DNAH8: variants seen among roughly 807,000 people sequenced by gnomAD.
DNAH8 encodes axonemal beta dynein heavy chain 8.
A neutral mutation model predicts 562.1 loss-of-function variants in DNAH8; 382 were observed. The observed-to-expected ratio is 0.68, with a 90% CI of 0.63 to 0.74. The LOEUF is 0.74. Among genes scored for constraint, DNAH8 ranks in the 30% least tolerant of loss-of-function variants. The pLI is 0.00. For missense variants in DNAH8, 5,203 were observed against 5,620.4 expected (o/e 0.93, Z 2.37); for synonymous variants, 1,881 against 1,919.4 (o/e 0.98, Z 0.52).
At chr6:38,795,441 G>A (rs1184332748) in intron 21 of DNAH8, among the ~76,000 whole-genome samples, 4 of 152,172 alleles carry the variant, frequency 2.6e-5, no homozygotes, top group African/African-American at 4.8e-5. Flanking sequence ...TTAGCCAGGT[G>A]TGGTGGCGGG....
Position 38,861,949 on chromosome 6 carries a change from G to GTTTTT in DNAH8, c.6132-319_6132-315dup, listed in dbSNP as rs10677373. On this transcript the variant is annotated intron_variant, in intron 43 of 92. Coordinates refer to ENST00000327475, the MANE Select transcript of DNAH8 (RefSeq NM_001206927.2). ...AGATATTGGCAAACATGAAAACCAG[G>GTTTTT]TTTTTTTTTTTTTTTTCTGGAGAGC... Among the ~76,000 whole-genome samples, 63 of 134,676 alleles carry GTTTTT rather than the reference G, an allele frequency of 4.7e-4. 1 individual carries two copies. The highest frequency in any genetic ancestry group is 4.1e-3 in the Middle Eastern group (1 of 246). The allele number at this position is 134,676 out of a possible 152,430, so 88.4% of individuals were successfully genotyped here.
intron 86 of DNAH8, among the ~76,000 whole-genome samples, chr6:38,983,284 G>A (rs957425877): frequency 4.6e-5 from 7 of 152,132 alleles, no homozygotes; most frequent in African/African-American, 1.7e-4. Context: ...CTGCAGTCTG[G>A]CCCCCTCTTC....
At chr6:38,887,860 G>C (rs1417407748) in intron 57 of DNAH8, among the ~76,000 whole-genome samples, 1 of 122,848 alleles carries the variant, frequency 8.1e-6, no homozygotes, top group African/African-American at 3.2e-5. Context: ...TTTTGAGATG[G>C]AGTGTCACTC....
chr6:39,012,411 G>GT lies in DNAH8; in HGVS notation c.13525-34dup, dbSNP rs756172882. ...AGTAGGCATTTCCTTCTTTGTTGATGTTTCTTATTCATGTGTTTTAACTTT... is the reference window on the plus strand; with the variant it reads ...AGTAGGCATTTCCTTCTTTGTTGATGTTTTCTTATTCATGTGTTTTAACTTT... On this transcript the variant is annotated intron_variant, in intron 90 of 92. Coordinates refer to ENST00000327475, the MANE Select transcript of DNAH8 (RefSeq NM_001206927.2). The GT allele has an allele frequency of 2.5e-6, 4 of 1,607,910 alleles. No individual in the cohort carries two copies. The African/African-American group carries it at 5.4e-5, about 22-fold the overall frequency.
chr6:38,719,859 A>G (rs1426249289), intron 1 of DNAH8, among the ~76,000 whole-genome samples: 4 of 152,314 alleles, frequency 2.6e-5, no homozygotes, highest in Middle Eastern at 6.8e-3. Context: ...ATGCACCCTG[A>G]CATTGTGTTT....
At chr6:38,947,210 G>A (rs372584182) in intron 80 of DNAH8, among the ~76,000 whole-genome samples, 3 of 152,156 alleles carry the variant, frequency 2.0e-5, no homozygotes, top group East Asian at 1.9e-4. Flanking sequence ...TTACACCACC[G>A]ATTGGGCCAG....
chr6:38,815,783 C>T (rs1772204611), intron 26 of DNAH8, 126 bp downstream of exon 26: 1 of 926,168 alleles, frequency 1.1e-6, no homozygotes, highest in Non-Finnish European at 1.5e-6. Context: ...TCATCTTAAA[C>T]ATAACGTGCA....
At chr6:38,826,584 T>C (rs1773343458) in intron 29 of DNAH8, among the ~76,000 whole-genome samples, 193 bp downstream of exon 29, 1 of 152,222 alleles carries the variant, frequency 6.6e-6, no homozygotes, top group Non-Finnish European at 1.5e-5. Context: ...CAAAAGACAC[T>C]GTTGTAATAC....
rs927390038 is a variant in DNAH8 at position 38,961,124 on chromosome 6, A to G, written c.12451+9604A>G. ...CACATGATCTCACTCTTGAGAATCTAACAAATTTGATCTCTTAGAATTAGA... is the reference window on the plus strand; with the variant it reads ...CACATGATCTCACTCTTGAGAATCTGACAAATTTGATCTCTTAGAATTAGA... On this transcript the variant is annotated intron_variant, in intron 82 of 92. Transcript: ENST00000327475. 1.2e-4 allele frequency among the ~76,000 whole-genome samples: 19 copies of G among 152,094 alleles called. No homozygotes were observed. The South Asian group carries it at 2.3e-3, about 18-fold the overall frequency.
intron 30 of DNAH8, 129 bp from the exon 31 acceptor site, chr6:38,832,193 T>C (rs920384761): frequency 1.6e-6 from 1 of 622,676 alleles, no homozygotes; most frequent in Admixed American, 2.9e-5. Context: ...ATATATTTTA[T>C]TACAAGCAAA....
intron 68 of DNAH8, among the ~76,000 whole-genome samples, chr6:38,916,493 A>G (rs1781323037): frequency 1.3e-5 from 2 of 152,172 alleles, no homozygotes; most frequent in African/African-American, 4.8e-5. Flanking sequence ...TGAGGACAAG[A>G]CTATTTTGGT....
intron 43 of DNAH8, among the ~76,000 whole-genome samples, chr6:38,861,949 G>GTTT (rs10677373): frequency 1.0e-4 from 14 of 134,686 alleles, no homozygotes; most frequent in Non-Finnish European, 1.7e-4. Flanking sequence ...TGAAAACCAG[G>GTTT]TTTTTTTTTT....
intron 3 of DNAH8, among the ~76,000 whole-genome samples, chr6:38,729,683 G>A (rs1763515279): frequency 6.6e-6 from 1 of 152,060 alleles, no homozygotes; most frequent in African/African-American, 2.4e-5. Flanking sequence ...CAGGTAAGTG[G>A]CTGCCCAAAA....
chr6:38,955,620 G>A (rs1216512922), intron 82 of DNAH8, among the ~76,000 whole-genome samples: 1 of 152,082 alleles, frequency 6.6e-6, no homozygotes, highest in Non-Finnish European at 1.5e-5. Context: ...GACAGAGTGA[G>A]ACTCCATCTC....
At chr6:38,779,881 T>C in intron 14 of DNAH8, 85 bp from the exon 15 acceptor site, 2 of 1,289,020 alleles carry the variant, frequency 1.6e-6, no homozygotes, top group Non-Finnish European at 2.2e-6. Context: ...ATTTGTCAAA[T>C]GAATGAATGG....
At chr6:38,941,583 T>C (rs1330194053) in intron 79 of DNAH8, among the ~76,000 whole-genome samples, 1 of 152,082 alleles carries the variant, frequency 6.6e-6, no homozygotes, top group Non-Finnish European at 1.5e-5. Flanking sequence ...CTATCTAGGG[T>C]GGGGAGGAGG....
At chr6:38,901,010 A>G (rs1221680447) in intron 62 of DNAH8, among the ~76,000 whole-genome samples, 1 of 151,914 alleles carries the variant, frequency 6.6e-6, no homozygotes, top group Non-Finnish European at 1.5e-5. Context: ...CTCATTGGCC[A>G]TTTGGATAGG....
intron 30 of DNAH8, among the ~76,000 whole-genome samples, chr6:38,832,056 A>G (rs1003732786): frequency 3.3e-4 from 50 of 152,304 alleles, no homozygotes; most frequent in African/African-American, 1.2e-3. Flanking sequence ...CAATAATAGT[A>G]TCTGTCTCCC....
intron 37 of DNAH8, 100 bp downstream of exon 37, chr6:38,848,901 T>C: frequency 8.3e-7 from 1 of 1,201,520 alleles, no homozygotes; most frequent in Admixed American, 2.1e-5. Flanking sequence ...AAGGCTTGAC[T>C]ATGATGGGGT....
Sources: allele counts gnomAD v4.1 joint callset (sites outside exome capture counted in the v4.1 genomes callset), GRCh38; gene constraint gnomAD v4.1.1; transcripts MANE v1.5; gene names NCBI Gene and HGNC (gene_info 2026-07-23, HGNC 2026-07-21).